Variants in PRR5L observed in about 807,000 individuals in gnomAD.
PRR5L encodes proline rich 5 like.
A neutral mutation model predicts 36.4 loss-of-function variants in PRR5L; 21 were observed. The observed-to-expected ratio is 0.58, with a 90% CI of 0.41 to 0.83. The LOEUF is 0.83. PRR5L is among the 40% of genes least tolerant of loss of function. PRR5L has a pLI of 0.00. For synonymous variants in PRR5L, 188 were observed against 197.0 expected (o/e 0.95, Z 0.38); for missense variants, 381 against 473.3 (o/e 0.80, Z 1.81).
intron 1 of PRR5L, chr11:36,321,100 TA>T (rs935185595): frequency 6.6e-6 from 1 of 152,240 alleles, no homozygotes. Flanking sequence ...AGGCCTATTT[TA>T]AAAATATTTT....
chr11:36,369,622 G>C (rs1857178259), intron 1 of PRR5L, among the ~76,000 whole-genome samples: 1 of 152,024 alleles, frequency 6.6e-6, no homozygotes, highest in African/African-American at 2.4e-5. Context: ...TTGAGATGGA[G>C]CCTCACTCTG....
chr11:36,354,597 G>C (rs1857007617), intron 1 of PRR5L, among the ~76,000 whole-genome samples: 1 of 152,118 alleles, frequency 6.6e-6, no homozygotes, highest in Admixed American at 6.5e-5. Flanking sequence ...TATTGCAATA[G>C]GACCATTCTA....
intron 1 of PRR5L, among the ~76,000 whole-genome samples, chr11:36,397,452 T>A (rs1857687886): frequency 1.7e-5 from 2 of 121,126 alleles, no homozygotes; most frequent in Non-Finnish European, 3.4e-5. Flanking sequence ...CCTTTTTTTT[T>A]TTTTTTTTTT....
At chr11:36,428,535 G>T (rs146164922) in intron 4 of PRR5L, among the ~76,000 whole-genome samples, 1 of 152,136 alleles carries the variant, frequency 6.6e-6, no homozygotes, top group Admixed American at 6.5e-5. Context: ...CCATTGGGTG[G>T]ATGGCAGTGG....
intron 1 of PRR5L, among the ~76,000 whole-genome samples, chr11:36,325,550 C>G (rs767145457): frequency 6.6e-6 from 1 of 152,192 alleles, no homozygotes; most frequent in Non-Finnish European, 1.5e-5. Flanking sequence ...TTGTCCCTGG[C>G]GCTGTGCTCT....
intron 1 of PRR5L, chr11:36,321,580 C>T (rs547291012): frequency 1.3e-5 from 2 of 152,364 alleles, no homozygotes; most frequent in South Asian, 2.1e-4. Context: ...TACAGCATGC[C>T]TGAGAATACA....
At chr11:36,307,552 A>C (rs1856448352) in intron 1 of PRR5L, among the ~76,000 whole-genome samples, 1 of 152,166 alleles carries the variant, frequency 6.6e-6, no homozygotes, top group Non-Finnish European at 1.5e-5. Context: ...GAAATAGGGC[A>C]CTAGCAATGA....
rs1436603810 is a variant in PRR5L at position 36,344,976 on chromosome 11, CACAAAGATTT to C, written c.-126+48542_-126+48551del. Among the ~76,000 whole-genome samples, 11 of 152,150 alleles carry C rather than the reference CACAAAGATTT, an allele frequency of 7.2e-5. No individual in the cohort carries two copies. Among genetic ancestry groups the C allele is most frequent in the African/African-American group, 2.7e-4 (11 of 41,424 alleles). On this transcript the variant is annotated intron_variant, in intron 1 of 8. Coordinates refer to ENST00000530639, the MANE Select transcript of PRR5L (RefSeq NM_001160167.2). This position sits in a 1 kb window ranked among gnomAD's most constrained non-coding sequence, Gnocchi z 4.1. The stretch of plus-strand genomic sequence containing the variant: ...AGGGGCCAGAAAGGAAAAACTAGTT[CACAAAGATTT>C]ACAGCCTTCAGGAATGTTCCAGAAG...
intron 3 of PRR5L, among the ~76,000 whole-genome samples, chr11:36,411,467 C>T (rs879701038): frequency 1.3e-5 from 2 of 151,986 alleles, no homozygotes; most frequent in African/African-American, 4.8e-5. Flanking sequence ...CCCATTTTTT[C>T]CCCCTGTTAT....
intron 1 of PRR5L, among the ~76,000 whole-genome samples, chr11:36,365,209 C>T (rs532787991): frequency 8.5e-5 from 13 of 152,170 alleles, no homozygotes; most frequent in South Asian, 4.1e-4. Context: ...AATGATCGTT[C>T]AAGTTTACTT....
Position 36,344,973 on chromosome 11 carries a change from G to C in PRR5L, c.-126+48535G>C, listed in dbSNP as rs896266461. ...GGCAGGGGCCAGAAAGGAAAAACTA[G>C]TTCACAAAGATTTACAGCCTTCAGG... On this transcript the variant is annotated intron_variant, in intron 1 of 8. Coordinates refer to ENST00000530639, the MANE Select transcript of PRR5L (RefSeq NM_001160167.2). The surrounding 1 kb of genome is among the most constrained non-coding windows in gnomAD (Gnocchi z 4.1). 1.2e-4 allele frequency among the ~76,000 whole-genome samples: 19 copies of C among 152,130 alleles called. No individual in the cohort carries two copies. The highest frequency in any genetic ancestry group is 3.9e-4 in the African/African-American group (16 of 41,418).
intron 1 of PRR5L, among the ~76,000 whole-genome samples, chr11:36,367,740 TTCTCTCTCTCTC>T (rs55635913): frequency 0.079 from 11,920 of 150,316 alleles, 814 homozygotes; most frequent in African/African-American, 0.18. Context: ...ACCAGAGAAC[TTCTCTCTCTCTC>T]TCTCTCTCTC....
At chr11:36,461,841 C>T (rs1859188797) in intron 8 of PRR5L, among the ~76,000 whole-genome samples, 2 of 152,106 alleles carry the variant, frequency 1.3e-5, no homozygotes, top group African/African-American at 4.8e-5. Context: ...GCAAGATAGT[C>T]CTGCTACCTT....
At chr11:36,413,607 G>C (rs1157548784) in intron 3 of PRR5L, among the ~76,000 whole-genome samples, 2 of 151,924 alleles carry the variant, frequency 1.3e-5, no homozygotes, top group Non-Finnish European at 1.5e-5. Flanking sequence ...GTAGCTTATT[G>C]GGTATTCTTC....
intron 1 of PRR5L, chr11:36,376,456 G>A (rs1463066960): frequency 3.5e-6 from 4 of 1,137,516 alleles, no homozygotes; most frequent in South Asian, 1.9e-5. Flanking sequence ...TTGTTGACTC[G>A]CGCTGGAGAG....
chr11:36,390,938 C>A (rs768967705), intron 1 of PRR5L, among the ~76,000 whole-genome samples: 21 of 152,296 alleles, frequency 1.4e-4, no homozygotes, highest in Non-Finnish European at 2.8e-4. Context: ...CGATCATTAT[C>A]TAAATCCTGG....
At chr11:36,363,396 C>G (rs1038256096) in intron 1 of PRR5L, among the ~76,000 whole-genome samples, 4 of 152,234 alleles carry the variant, frequency 2.6e-5, no homozygotes, top group Non-Finnish European at 5.9e-5. Flanking sequence ...TCCAGATTAG[C>G]TGGGGACAGA....
chr11:36,412,698 C>T (rs1479521760), intron 3 of PRR5L, among the ~76,000 whole-genome samples: 1 of 150,302 alleles, frequency 6.7e-6, no homozygotes, highest in Non-Finnish European at 1.5e-5. Flanking sequence ...GGTGAATTGT[C>T]CCATTGTGAT....
Position 36,328,693 on chromosome 11 carries a change from A to G in PRR5L, c.-126+32255A>G, listed in dbSNP as rs527441960. On this transcript the variant is annotated intron_variant, in intron 1 of 8. Transcript: ENST00000530639. Reference sequence around the variant, plus strand: ...ATGTTTTTCCCGATGCCAACTTCTCATCTCCAGTGATAGGAATCTATCTTC... The same window carrying G: ...ATGTTTTTCCCGATGCCAACTTCTCGTCTCCAGTGATAGGAATCTATCTTC... Among the ~76,000 whole-genome samples the G allele has an allele frequency of 2.0e-5, 3 of 152,314 alleles. No homozygotes were observed. In the East Asian group the frequency reaches 5.8e-4, roughly 29 times the overall value.
Sources: allele counts gnomAD v4.1 joint callset (sites outside exome capture counted in the v4.1 genomes callset), GRCh38; gene constraint gnomAD v4.1.1; non-coding constraint Gnocchi (gnomAD v3.1); transcripts MANE v1.5; gene names NCBI Gene and HGNC (gene_info 2026-07-23, HGNC 2026-07-21).